Variants in CWH43 observed in about 807,000 individuals in gnomAD.
CWH43 encodes PGAP2-interacting protein.
CWH43 carries 91 observed loss-of-function variants against 85.7 expected under a neutral mutation model. The observed-to-expected ratio is 1.06, with a 90% CI of 0.90 to 1.26. CWH43 has a LOEUF of 1.26. Among genes scored for constraint, CWH43 ranks in the 50% most tolerant of loss-of-function variants. The pLI is 0.00. For missense variants in CWH43, 869 were observed against 839.2 expected (o/e 1.04, Z -0.44); for synonymous variants, 323 against 293.6 (o/e 1.10, Z -1.02).
At chr4:49,010,562 G>T (rs1783324775) in intron 8 of CWH43, among the ~76,000 whole-genome samples, 1 of 152,042 alleles carries the variant, frequency 6.6e-6, no homozygotes, top group Admixed American at 6.6e-5. Context: ...TTTTAATTGT[G>T]ATGTTAGGGT....
Position 49,030,835 on chromosome 4 carries a change from C to A in CWH43, c.1383C>A (p.Phe461Leu). ...TTTTTTTCTGAACAGGTGCAGATTT[C>A]ATAACAATTTTGGAGAGTGATGCTT... ...AHLLNETGADFITILESDASK... is the reference protein window; with the variant it reads ...AHLLNETGADLITILESDASK... Residue 461 changes from phenylalanine (F) to leucine (L), a missense_variant, in exon 11 of 16, where the codon TTC becomes TTA. Physicochemically the swap from Phe to Leu is conservative, Grantham distance 22. This residue lies in a region of CWH43 where 577 missense variants were observed against 513.1 expected (regional missense o/e 1.12). Coordinates refer to ENST00000226432, the MANE Select transcript of CWH43 (RefSeq NM_025087.3). 6.4e-7 allele frequency: 1 copy of A among 1,573,538 alleles called. No homozygotes were observed. Among genetic ancestry groups the A allele is most frequent in the South Asian group, 1.2e-5 (1 of 84,202 alleles).
intron 14 of CWH43, among the ~76,000 whole-genome samples, chr4:49,048,919 C>A (rs372891694): frequency 6.6e-6 from 1 of 152,128 alleles, no homozygotes; most frequent in Non-Finnish European, 1.5e-5. Context: ...GCCTTCATCT[C>A]AATCACCAAA....
At chr4:49,013,693 G>A (rs1168680842) in intron 8 of CWH43, among the ~76,000 whole-genome samples, 2 of 151,978 alleles carry the variant, frequency 1.3e-5, no homozygotes, top group African/African-American at 4.8e-5. Flanking sequence ...TAAATACTCT[G>A]TATTGGTTTT....
chr4:49,032,639 GCACCAGC>G lies in CWH43; in HGVS notation c.1585_1591del (p.Pro529SerfsTer3), dbSNP rs1250431094. On this transcript the variant is annotated frameshift_variant, in exon 12 of 16. Coordinates refer to ENST00000226432, the MANE Select transcript of CWH43 (RefSeq NM_025087.3). LOFTEE classifies it high-confidence loss of function. ...TCTTCCGTCACCAGAGGGCGAGATCGCACCAGCCATCACATTGACCGTTAACATTTCG... is the reference window on the plus strand; with the variant it reads ...TCTTCCGTCACCAGAGGGCGAGATCGCATCACATTGACCGTTAACATTTCG... The G allele has an allele frequency of 6.2e-7, 1 of 1,613,898 alleles. No homozygotes were observed. Among genetic ancestry groups the G allele is most frequent in the Non-Finnish European group, 8.5e-7 (1 of 1,179,926 alleles).
At chr4:49,030,476 T>C (rs1256031919) in intron 10 of CWH43, among the ~76,000 whole-genome samples, 1 of 152,220 alleles carries the variant, frequency 6.6e-6, no homozygotes, top group East Asian at 1.9e-4. Flanking sequence ...TGTGCTGGAA[T>C]AAAATGCTAT....
chr4:49,049,324 C>A (rs936766884), intron 14 of CWH43, among the ~76,000 whole-genome samples: 1 of 152,162 alleles, frequency 6.6e-6, no homozygotes, highest in Non-Finnish European at 1.5e-5. Context: ...CATGGAGTTA[C>A]AGGCATAGGC....
Position 49,003,882 on chromosome 4 carries a change from C to A in CWH43, c.950C>A (p.Thr317Asn). The A allele has an allele frequency of 6.2e-7, 1 of 1,613,964 alleles. No individual in the cohort carries two copies. The highest frequency in any genetic ancestry group is 2.2e-5 in the East Asian group (1 of 44,874). ...GGGACAAACCCTGGGAAAACCATGA[C>A]CATTGCCATGATATTTTATCTTCTA... is the stretch of plus-strand genomic sequence containing the variant. ...NSGTNPGKTM[T>N]IAMIFYLLEI... Residue 317 changes from threonine (T) to asparagine (N), a missense_variant, in exon 7 of 16, where the codon ACC becomes AAC. Physicochemically the swap from Thr to Asn is moderately conservative, Grantham distance 65. Coordinates refer to ENST00000226432, the MANE Select transcript of CWH43 (RefSeq NM_025087.3).
At chr4:49,013,604 G>A (rs190393459) in intron 8 of CWH43, among the ~76,000 whole-genome samples, 445 of 149,676 alleles carry the variant, frequency 3.0e-3, no homozygotes, top group Middle Eastern at 6.9e-3. Context: ...GAACAGAGCT[G>A]TTCCTATTCG....
intron 15 of CWH43, among the ~76,000 whole-genome samples, chr4:49,052,344 C>T (rs1478390047): frequency 2.0e-5 from 3 of 152,118 alleles, no homozygotes; most frequent in Non-Finnish European, 2.9e-5. Flanking sequence ...CCTCAAGTGC[C>T]TCATCTAAAA....
intron 14 of CWH43, among the ~76,000 whole-genome samples, chr4:49,048,278 T>TTA (rs1420869040): frequency 1.3e-5 from 2 of 151,328 alleles, no homozygotes; most frequent in East Asian, 2.0e-4. Flanking sequence ...ATGGCAGAGT[T>TTA]TATATATATA....
intron 15 of CWH43, among the ~76,000 whole-genome samples, 164 bp downstream of exon 15, chr4:49,051,013 A>G (rs1179688423): frequency 1.2e-4 from 18 of 152,208 alleles, no homozygotes; most frequent in Non-Finnish European, 1.6e-4. Flanking sequence ...GGTTGAAGTT[A>G]CGGTGCTTGC....
In CWH43 at chr4:48,992,170, C is replaced by A; in HGVS notation, c.511+80C>A. The A allele has an allele frequency of 8.3e-7, 1 of 1,204,720 alleles. No homozygotes were observed. 74.6% of individuals were successfully genotyped at this position (1,204,720 alleles called of 1,614,324 possible). ...ATGTTGCACATCTTGGAAAGAAAAT[C>A]TATAAAAGTAGTCTTTCTGCATTAT... is the stretch of plus-strand genomic sequence containing the variant. On this transcript the variant is annotated intron_variant, in intron 4 of 15. Transcript: ENST00000226432. This position sits in a 1 kb window ranked among gnomAD's most constrained non-coding sequence, Gnocchi z 4.3.
chr4:48,989,330 C>T (rs1048204013), intron 2 of CWH43, among the ~76,000 whole-genome samples: 1 of 152,182 alleles, frequency 6.6e-6, no homozygotes, highest in Admixed American at 6.5e-5. Flanking sequence ...TCTTACTGCA[C>T]TGTGCAGTAG....
intron 15 of CWH43, among the ~76,000 whole-genome samples, chr4:49,052,199 T>G (rs565915035): frequency 3.3e-5 from 5 of 152,294 alleles, no homozygotes; most frequent in African/African-American, 1.2e-4. Context: ...TTCCAATTCC[T>G]GTATTGATCT....
intron 15 of CWH43, among the ~76,000 whole-genome samples, chr4:49,056,916 T>C (rs747695877): frequency 2.6e-5 from 4 of 152,232 alleles, no homozygotes; most frequent in African/African-American, 9.6e-5. Context: ...CCATTGTCTG[T>C]TTAGGAAAGT....
At chr4:49,003,119 C>T (rs1336644450) in intron 6 of CWH43, among the ~76,000 whole-genome samples, 1 of 152,166 alleles carries the variant, frequency 6.6e-6, no homozygotes, top group African/African-American at 2.4e-5. Flanking sequence ...TTACAGAGTG[C>T]CTGCTGTGGA....
intron 12 of CWH43, among the ~76,000 whole-genome samples, chr4:49,035,549 A>G (rs988480931): frequency 6.6e-6 from 1 of 152,224 alleles, no homozygotes; most frequent in African/African-American, 2.4e-5. Context: ...CGTGGCGGTT[A>G]ACCTTGGTAA....
intron 13 of CWH43, among the ~76,000 whole-genome samples, chr4:49,040,280 C>A (rs1417056295): frequency 6.6e-6 from 1 of 152,188 alleles, no homozygotes; most frequent in African/African-American, 2.4e-5. Context: ...GTGGCTGGGT[C>A]AAATGGTATT....
At chr4:49,050,285 C>A (rs1399356084) in intron 14 of CWH43, among the ~76,000 whole-genome samples, 1 of 152,116 alleles carries the variant, frequency 6.6e-6, no homozygotes, top group Admixed American at 6.6e-5. Flanking sequence ...TCTTTGATTT[C>A]AGACTTGAAA....
Sources: allele counts gnomAD v4.1 joint callset (sites outside exome capture counted in the v4.1 genomes callset), GRCh38; gene constraint gnomAD v4.1.1; regional missense constraint gnomAD v4.1.1; non-coding constraint Gnocchi (gnomAD v3.1); transcripts MANE v1.5; gene names NCBI Gene and HGNC (gene_info 2026-07-23, HGNC 2026-07-21).